The following PRICKLE3 variants were observed in gnomAD, a reference collection of about 807,000 sequenced individuals.
The protein encoded by PRICKLE3 is LIM domain only protein 6.
PRICKLE3 carries 17 observed loss-of-function variants against 33.8 expected under a neutral mutation model. The observed-to-expected ratio is 0.50, with a 90% CI of 0.34 to 0.75. The LOEUF (loss-of-function observed/expected upper bound fraction) is 0.75, where lower values mean the gene tolerates loss of function less well. Ranked by LOEUF, PRICKLE3 falls within the 30% of genes least tolerant of loss-of-function variation. The probability of loss-of-function intolerance (pLI) is 0.01; values close to 1 mark genes in which losing one functional copy is unlikely to be tolerated. For missense variants in PRICKLE3, 573 were observed against 576.7 expected, an observed-to-expected ratio of 0.99 and a Z score of 0.07; for synonymous variants, 211 against 219.6, an observed-to-expected ratio of 0.96 and a Z score of 0.34.
Position 49,184,856 on chromosome X carries a change from C to T in PRICKLE3, c.43-146G>A. ...CAGCGCTGGGCAGGCTGGGACAGCGCCCAGAGTGCGGGGGAGCGGGACACA... is the reference window on the plus strand; with the variant it reads ...CAGCGCTGGGCAGGCTGGGACAGCGTCCAGAGTGCGGGGGAGCGGGACACA... On this transcript the variant is annotated intron_variant, in intron 1 of 8. Coordinates refer to ENST00000599218, the MANE Select transcript of PRICKLE3 (RefSeq NM_006150.5). The T allele has an allele frequency of 3.5e-6, 4 of 1,158,989 alleles. No individual in the cohort carries two copies. In the South Asian group the frequency reaches 5.8e-5, roughly 17 times the overall value.
chrX:49,184,069 C>T, intron 2 of PRICKLE3, 152 bp from the exon 3 acceptor site: 1 of 695,429 alleles, frequency 1.4e-6, no homozygotes, highest in Non-Finnish European at 2.1e-6. Flanking sequence ...GGCAGGGCTG[C>T]AGGAGGTGGG....
At chrX:49,177,444 C>T (rs1480723027) in intron 7 of PRICKLE3, among the ~76,000 whole-genome samples, 1 of 112,520 alleles carries the variant, frequency 8.9e-6, no homozygotes, top group Non-Finnish European at 1.9e-5. Context: ...AGGGTGCTCT[C>T]TCCCAGAGCG....
Position 49,176,259 on chromosome X carries a change from C to T in PRICKLE3, c.1262G>A (p.Gly421Asp). 8.8e-7 allele frequency: 1 copy of T among 1,135,952 alleles called. No individual in the cohort carries two copies. The highest frequency in any genetic ancestry group is 1.2e-6 in the Non-Finnish European group (1 of 857,770). The allele number at this position is 1,135,952 out of a possible 1,213,427, so 93.6% of individuals were successfully genotyped here. A position where few individuals can be genotyped will look rare whatever the true frequency, so the allele number is the denominator to read the frequency against. ...GTSTELAPATGPEEPSRFLRG... is the reference protein window; with the variant it reads ...GTSTELAPATDPEEPSRFLRG... ...CAGAAAGCGGGAGGGCTCCTCAGGGCCTGTAGCTGTTAAGGGGGAGACAGA... is the reference window on the plus strand; with the variant it reads ...CAGAAAGCGGGAGGGCTCCTCAGGGTCTGTAGCTGTTAAGGGGGAGACAGA... The change falls in exon 9 of 9, where the codon GGC becomes GAC. Residue 421 changes from glycine (G) to aspartate (D), a missense_variant. Transcript: ENST00000599218.
At chrX:49,180,343 T>G (rs781829232) in intron 3 of PRICKLE3, among the ~76,000 whole-genome samples, 2 of 111,254 alleles carry the variant, frequency 1.8e-5, no homozygotes, top group Non-Finnish European at 3.8e-5. Context: ...ACTGATCCAC[T>G]TTTCTTTTTC....
At chrX:49,176,410 G>T (rs2065417815) in intron 8 of PRICKLE3, 145 bp from the exon 9 acceptor site, 1 of 463,707 alleles carries the variant, frequency 2.2e-6, no homozygotes, top group African/African-American at 2.4e-5. Flanking sequence ...GAGGTGGGAA[G>T]TCTGGGAAGT....
Position 49,177,042 on chromosome X carries a change from G to A in PRICKLE3, c.1116C>T (p.Pro372=). ...TGCGGCGGCTCGGCCCTGGAGCTGT[G>A]GGCTCGGACCCAAGGCTGCAGGCTC... The part of the protein sequence containing the change: ...CSRACSLGSE[P]TAPGPSRRSW... Residue 372 remains proline, a synonymous_variant, in exon 8 of 9, where the codon CCC becomes CCT. Transcript: ENST00000599218. 8.3e-7 allele frequency: 1 copy of A among 1,209,207 alleles called. No individual in the cohort carries two copies. Among genetic ancestry groups the A allele is most frequent in the South Asian group, 1.8e-5 (1 of 56,661 alleles).
intron 1 of PRICKLE3, 41 bp from the exon 2 acceptor site, chrX:49,184,751 G>A (rs781854346): frequency 4.1e-5 from 48 of 1,159,992 alleles, no homozygotes; most frequent in Non-Finnish European, 4.8e-5. Flanking sequence ...GGTGAGGCGC[G>A]GAAGCAGGGA....
chrX:49,181,587 G>GTATATATATATA (rs2065454932), intron 3 of PRICKLE3, among the ~76,000 whole-genome samples: 2 of 1,997 alleles, frequency 1.0e-3, no homozygotes, highest in African/African-American at 1.5e-3. Context: ...ATATATATAC[G>GTATATATATATA]CGTGTATCTA....
At chrX:49,182,617 C>A (rs957606801) in intron 3 of PRICKLE3, among the ~76,000 whole-genome samples, 1 of 112,474 alleles carries the variant, frequency 8.9e-6, no homozygotes, top group Non-Finnish European at 1.9e-5. Flanking sequence ...TTCTCACCTC[C>A]TTTCGGGCAG....
At chrX:49,181,162 G>A (rs2065446980) in intron 3 of PRICKLE3, among the ~76,000 whole-genome samples, 1 of 109,421 alleles carries the variant, frequency 9.1e-6, no homozygotes, top group South Asian at 3.9e-4. Flanking sequence ...GAGCCCAGGA[G>A]TCCAAGACCA....
In PRICKLE3 at chrX:49,184,572, C is replaced by T. The variant is rs989815686; in HGVS notation, c.128+53G>A. 11 of 1,030,007 alleles carry T rather than the reference C, an allele frequency of 1.1e-5. No homozygotes were observed. In the South Asian group the frequency reaches 2.2e-4, roughly 20 times the overall value. The allele number at this position is 1,030,007 out of a possible 1,213,427, so 84.9% of individuals were successfully genotyped here. A position where few individuals can be genotyped will look rare whatever the true frequency, so the allele number is the denominator to read the frequency against. ...GCGTGGCGTAAGGCTCCTGGATTTC[C>T]CCCCGAAGGCGGAGCTCTGACAAAG... On this transcript the variant is annotated intron_variant, in intron 2 of 8. Coordinates refer to ENST00000599218, the MANE Select transcript of PRICKLE3 (RefSeq NM_006150.5).
At chrX:49,181,217 A>C (rs2065447112) in intron 3 of PRICKLE3, among the ~76,000 whole-genome samples, 1 of 106,852 alleles carries the variant, frequency 9.4e-6, no homozygotes, top group African/African-American at 3.4e-5. Context: ...AAAATACAAA[A>C]ATCATCCAGG....
Position 49,175,642 on chromosome X carries a change from A to G in PRICKLE3, c.*31T>C. ...GGGCCTCATCATCTACTCTGACTGG[A>G]GAATGGAGCCCCCTCCAGGACGGCC... On this transcript the variant is annotated 3_prime_UTR_variant, in exon 9 of 9. Transcript: ENST00000599218. The G allele has an allele frequency of 8.6e-7, 1 of 1,161,705 alleles. No individual in the cohort carries two copies. Among genetic ancestry groups the G allele is most frequent in the Non-Finnish European group, 1.2e-6 (1 of 857,556 alleles).
chrX:49,179,203 G>A (rs782268956), intron 5 of PRICKLE3, 48 bp downstream of exon 5: 2 of 1,185,429 alleles, frequency 1.7e-6, no homozygotes, highest in African/African-American at 3.5e-5. Context: ...GCTCCCCAGG[G>A]CTTGGAGCAG....
At position 49,175,161 on chromosome X, in the gene PRICKLE3, G is replaced by A. The variant is rs370032163; in HGVS notation, c.*512C>T. 6.0e-5 allele frequency: 11 copies of A among 184,684 alleles called. No homozygotes were observed. The East Asian group carries it at 1.4e-3, about 24-fold the overall frequency. 15.2% of individuals were successfully genotyped at this position (184,684 alleles called of 1,213,427 possible). On this transcript the variant is annotated 3_prime_UTR_variant, in exon 9 of 9. Coordinates refer to ENST00000599218, the MANE Select transcript of PRICKLE3 (RefSeq NM_006150.5). ...AGCATCAGGAGGGGGAAATGGAGTG[G>A]AAACAGCTGGGGCAAGGAGGCAAAG...
intron 4 of PRICKLE3, 40 bp from the exon 5 acceptor site, chrX:49,179,428 C>A: frequency 8.3e-7 from 1 of 1,197,793 alleles, no homozygotes. Flanking sequence ...TCCCTTGATG[C>A]CTGTCCCTGC....
intron 5 of PRICKLE3, 76 bp from the exon 6 acceptor site, chrX:49,178,551 A>G: frequency 2.0e-6 from 2 of 1,013,116 alleles, no homozygotes; most frequent in Non-Finnish European, 2.7e-6. Context: ...CAGCCAAAGT[A>G]TGTTACACTT....
chrX:49,175,518 C>T lies in PRICKLE3; in HGVS notation c.*155G>A. The T allele has an allele frequency of 5.6e-6, 3 of 535,893 alleles. No homozygotes were observed. Among genetic ancestry groups the T allele is most frequent in the South Asian group, 6.3e-5 (2 of 31,838 alleles). The allele number at this position is 535,893 out of a possible 1,213,427, so 44.2% of individuals were successfully genotyped here. A position where few individuals can be genotyped will look rare whatever the true frequency, so the allele number is the denominator to read the frequency against. Reference sequence around the variant, plus strand: ...GCCTGGGCAATAGGGTAGACCAAGTCTCTAAAACAGAAACAAAAATAGAAA... The same window carrying T: ...GCCTGGGCAATAGGGTAGACCAAGTTTCTAAAACAGAAACAAAAATAGAAA... On this transcript the variant is annotated 3_prime_UTR_variant, in exon 9 of 9. Coordinates refer to ENST00000599218, the MANE Select transcript of PRICKLE3 (RefSeq NM_006150.5).
chrX:49,185,005 C>A (rs1196357046), intron 1 of PRICKLE3: 3 of 714,398 alleles, frequency 4.2e-6, no homozygotes, highest in Non-Finnish European at 5.8e-6. Flanking sequence ...CACCTCCCAC[C>A]AGCCTTAGAT....
Sources: allele counts gnomAD v4.1 joint callset (sites outside exome capture counted in the v4.1 genomes callset), GRCh38; gene constraint gnomAD v4.1.1; transcripts MANE v1.5; gene names NCBI Gene and HGNC (gene_info 2026-07-23, HGNC 2026-07-21).